Variants in BRINP3 observed in about 807,000 individuals in gnomAD.
BRINP3 encodes BMP/retinoic acid inducible neural specific 3.
In BRINP3, 19 loss-of-function variants were observed where a neutral mutation model predicts 71.0. That is an observed-to-expected ratio of 0.27 (90% confidence interval 0.19 to 0.39). BRINP3 has a LOEUF of 0.39. BRINP3 is among the 10% of genes least tolerant of loss of function. BRINP3 has a pLI of 1.00. For missense variants in BRINP3, 959 were observed against 940.8 expected, an observed-to-expected ratio of 1.02 and a Z score of -0.25; for synonymous variants, 380 against 337.7, an observed-to-expected ratio of 1.13 and a Z score of -1.37.
intron 4 of BRINP3, among the ~76,000 whole-genome samples, chr1:190,237,223 A>C (rs970720732): frequency 1.3e-5 from 2 of 151,762 alleles, no homozygotes; most frequent in Admixed American, 1.3e-4. Flanking sequence ...TCTATTCTTC[A>C]CAACTGAATT....
At chr1:190,212,440 C>A (rs1036154982) in intron 6 of BRINP3, among the ~76,000 whole-genome samples, 2 of 152,072 alleles carry the variant, frequency 1.3e-5, no homozygotes, top group Non-Finnish European at 2.9e-5. Flanking sequence ...ACAGATACAT[C>A]TCATTTTCCC....
At chr1:190,351,967 C>T (rs1032197049) in intron 2 of BRINP3, among the ~76,000 whole-genome samples, 3 of 152,026 alleles carry the variant, frequency 2.0e-5, no homozygotes, top group African/African-American at 7.2e-5. Flanking sequence ...CAATTTCAAA[C>T]ATTTTAAATT....
In BRINP3 at chr1:190,340,698, C is replaced by CTGGGCAGCATGTAGCCTATATAAA. The variant is rs1571797660; in HGVS notation, c.237-58949_237-58948insTTTATATAGGCTACATGCTGCCCA. Reference sequence around the variant, plus strand: ...TCCCCACATGCATACTAGAATAGAACCTTTCTTATGAATGAGAAAACAAAA... The same window carrying CTGGGCAGCATGTAGCCTATATAAA: ...TCCCCACATGCATACTAGAATAGAACTGGGCAGCATGTAGCCTATATAAACTTTCTTATGAATGAGAAAACAAAA... On this transcript the variant is annotated intron_variant, in intron 2 of 7. Transcript: ENST00000367462. Among the ~76,000 whole-genome samples the CTGGGCAGCATGTAGCCTATATAAA allele has an allele frequency of 2.0e-5, 3 of 151,666 alleles. No individual in the cohort carries two copies. The East Asian group carries it at 5.9e-4, about 30-fold the overall frequency.
chr1:190,220,396 T>C (rs879791054), intron 6 of BRINP3, among the ~76,000 whole-genome samples: 10 of 151,416 alleles, frequency 6.6e-5, no homozygotes, highest in Admixed American at 6.6e-4. Context: ...CTGTCAGGGG[T>C]TGGGGGCTAG....
intron 7 of BRINP3, among the ~76,000 whole-genome samples, chr1:190,106,303 T>A (rs1459787134): frequency 1.3e-5 from 2 of 151,716 alleles, no homozygotes; most frequent in Admixed American, 1.3e-4. Flanking sequence ...ATATAACATA[T>A]GTTTATTTCA....
intron 1 of BRINP3, among the ~76,000 whole-genome samples, chr1:190,468,740 A>G (rs1031891727): frequency 3.3e-5 from 5 of 151,162 alleles, no homozygotes; most frequent in Non-Finnish European, 7.4e-5. Context: ...GGGTGGGAGT[A>G]GAGGAGGCTT....
At chr1:190,410,059 T>C (rs895792087) in intron 2 of BRINP3, among the ~76,000 whole-genome samples, 1 of 152,166 alleles carries the variant, frequency 6.6e-6, no homozygotes, top group African/African-American at 2.4e-5. Context: ...CTATTTTACT[T>C]CTTTCTTTAT....
At chr1:190,436,512 T>C (rs990824604) in intron 2 of BRINP3, among the ~76,000 whole-genome samples, 1 of 151,146 alleles carries the variant, frequency 6.6e-6, no homozygotes, top group Non-Finnish European at 1.5e-5. Context: ...AAAAAAAGAG[T>C]GAAAGGAGAT....
chr1:190,252,543 T>C (rs569507895), intron 4 of BRINP3, among the ~76,000 whole-genome samples: 11 of 152,176 alleles, frequency 7.2e-5, no homozygotes, highest in African/African-American at 2.6e-4. Context: ...GCTAAAGTTG[T>C]TACCACTTAA....
At chr1:190,311,108 T>C (rs1665487020) in intron 2 of BRINP3, among the ~76,000 whole-genome samples, 1 of 151,648 alleles carries the variant, frequency 6.6e-6, no homozygotes, top group Admixed American at 6.6e-5. Flanking sequence ...TGGGTTGGAG[T>C]CAGAATTCTA....
intron 4 of BRINP3, among the ~76,000 whole-genome samples, chr1:190,247,901 G>A (rs1303541644): frequency 1.3e-5 from 2 of 151,808 alleles, no homozygotes; most frequent in Non-Finnish European, 1.5e-5. Flanking sequence ...CAGACCGTTG[G>A]GGTCTTACAT....
At chr1:190,222,394 A>G (rs1656971018) in intron 6 of BRINP3, among the ~76,000 whole-genome samples, 1 of 152,002 alleles carries the variant, frequency 6.6e-6, no homozygotes. Flanking sequence ...AACTTGAGAT[A>G]CAATAACATC....
At chr1:190,123,099 C>A (rs17366943) in intron 7 of BRINP3, among the ~76,000 whole-genome samples, 7,658 of 152,216 alleles carry the variant, frequency 0.05, 278 homozygotes, top group Non-Finnish European at 0.073. Flanking sequence ...GGTCACATAG[C>A]CTGATGGTGA....
chr1:190,190,323 C>A (rs1558049344), intron 6 of BRINP3, among the ~76,000 whole-genome samples: 1 of 152,144 alleles, frequency 6.6e-6, no homozygotes, highest in South Asian at 2.1e-4. Flanking sequence ...CCGTTTCACA[C>A]AGGACTGCTT....
chr1:190,250,806 A>G (rs777768928), intron 4 of BRINP3, among the ~76,000 whole-genome samples: 6 of 152,020 alleles, frequency 3.9e-5, no homozygotes, highest in Non-Finnish European at 8.8e-5. Flanking sequence ...ACCACCATCC[A>G]GTGATTATGG....
chr1:190,369,527 T>A (rs1468612472), intron 2 of BRINP3, among the ~76,000 whole-genome samples: 1 of 152,114 alleles, frequency 6.6e-6, no homozygotes, highest in East Asian at 1.9e-4. Flanking sequence ...TTTTAGAATA[T>A]TGAAAAGGTA....
At chr1:190,329,971 TA>T (rs201997690) in intron 2 of BRINP3, among the ~76,000 whole-genome samples, 19 of 150,474 alleles carry the variant, frequency 1.3e-4, no homozygotes, top group East Asian at 7.8e-4. Context: ...CCATTCATCA[TA>T]AAAAAAAAGC....
At chr1:190,433,285 T>C (rs1674225905) in intron 2 of BRINP3, among the ~76,000 whole-genome samples, 1 of 152,206 alleles carries the variant, frequency 6.6e-6, no homozygotes, top group Non-Finnish European at 1.5e-5. Context: ...TCAATTATAC[T>C]CTGATTATAA....
chr1:190,151,878 C>A (rs962146869), intron 7 of BRINP3, among the ~76,000 whole-genome samples: 2 of 152,054 alleles, frequency 1.3e-5, no homozygotes, highest in African/African-American at 2.4e-5. Context: ...AGCCTAAAAT[C>A]AAAAAACTGG....
Sources: allele counts gnomAD v4.1 joint callset (sites outside exome capture counted in the v4.1 genomes callset), GRCh38; gene constraint gnomAD v4.1.1; transcripts MANE v1.5; gene names NCBI Gene and HGNC (gene_info 2026-07-23, HGNC 2026-07-21).